Variants in FGFR4 observed in about 807,000 individuals in gnomAD.
The protein encoded by FGFR4 is hydroxyaryl-protein kinase.
FGFR4 carries 63 observed loss-of-function variants against 89.9 expected under a neutral mutation model. That is an observed-to-expected ratio of 0.70 (90% CI 0.57 to 0.86). The LOEUF is 0.86. Among genes scored for constraint, FGFR4 ranks in the 40% least tolerant of loss-of-function variants. The pLI, the probability that FGFR4 is intolerant of heterozygous loss-of-function variation, is 0.00. For synonymous variants in FGFR4, 486 were observed against 479.4 expected, an observed-to-expected ratio of 1.01 and a Z score of -0.18; for missense variants, 928 against 1,106.7, an observed-to-expected ratio of 0.84 and a Z score of 2.29.
rs759151316 is a variant in FGFR4 at position 177,095,691 on chromosome 5, G to A, written c.1789G>A (p.Ala597Thr). Residue 597 changes from alanine to threonine, a missense_variant, in exon 13 of 18, where the codon GCC (alanine) becomes ACC (threonine). Physicochemically the swap from Ala to Thr is moderately conservative, Grantham distance 58. Coordinates refer to ENST00000292408, the MANE Select transcript of FGFR4 (RefSeq NM_213647.3). The surrounding 1 kb of genome is among the most constrained non-coding windows in gnomAD (Gnocchi z 5.7). ...CCTGGTCTCCTGCGCCTACCAGGTG[G>A]CCCGAGGCATGCAGTATCTGGAGTC... ...PVLVSCAYQV[A>T]RGMQYLESRK... 1.2e-6 allele frequency: 2 copies of A among 1,608,944 alleles called. No homozygotes were observed. The highest frequency in any genetic ancestry group is 1.7e-6 in the Non-Finnish European group (2 of 1,178,922).
chr5:177,092,932 C>G, intron 8 of FGFR4, 148 bp downstream of exon 8: 3 of 1,385,392 alleles, frequency 2.2e-6, no homozygotes, highest in Non-Finnish European at 3.0e-6. Flanking sequence ...AGCTGTATGA[C>G]AGCCCCTCTG....
chr5:177,095,712 G>A lies in FGFR4; in HGVS notation c.1810G>A (p.Glu604Lys), dbSNP rs1367319891. ...GGTGGCCCGAGGCATGCAGTATCTG[G>A]AGTCCCGGAAGGTACAGGCGCTAGG... The part of the protein sequence containing the change: ...YQVARGMQYL[E>K]SRKCIHRDLA... The change falls in exon 13 of 18, where the codon GAG becomes AAG. Residue 604 changes from glutamate to lysine, a missense_variant. Coordinates refer to ENST00000292408, the MANE Select transcript of FGFR4 (RefSeq NM_213647.3). The surrounding 1 kb of genome is among the most constrained non-coding windows in gnomAD (Gnocchi z 5.7). 2 of 1,605,702 alleles carry A rather than the reference G, an allele frequency of 1.2e-6. No homozygotes were observed. Among genetic ancestry groups the A allele is most frequent in the Non-Finnish European group, 1.7e-6 (2 of 1,177,630 alleles).
chr5:177,097,135 C>A, intron 16 of FGFR4, 157 bp from the exon 17 acceptor site: 1 of 584,714 alleles, frequency 1.7e-6, no homozygotes. Flanking sequence ...TCCTCCTCCT[C>A]AGCCTAGTGG....
chr5:177,096,561 C>T, intron 15 of FGFR4, 43 bp from the exon 16 acceptor site: 1 of 1,608,442 alleles, frequency 6.2e-7, no homozygotes, highest in Non-Finnish European at 8.5e-7. Flanking sequence ...CCCCGGTCGT[C>T]GGGAGGGCGC....
rs368514843 is a variant in FGFR4, at chr5:177,092,452, A to G, written c.859A>G (p.Ile287Val). ...AQPHIQWLKH[I>V]VINGSSFGAD... Reference sequence around the variant, plus strand: ...GCCCCACATCCAGTGGCTGAAGCACATCGTCATCAACGGCAGCAGCTTCGG... The same window carrying G: ...GCCCCACATCCAGTGGCTGAAGCACGTCGTCATCAACGGCAGCAGCTTCGG... Residue 287 changes from isoleucine to valine, a missense_variant, in exon 7 of 18, where the codon ATC becomes GTC. Physicochemically the swap from Ile to Val is conservative, Grantham distance 29 (BLOSUM62 3). Around this residue, in one of 5 missense-constraint regions of FGFR4, gnomAD observed 741 missense variants for 836.9 expected, o/e 0.89. Transcript: ENST00000292408. 1.2e-6 allele frequency: 2 copies of G among 1,603,136 alleles called. No individual in the cohort carries two copies. The highest frequency in any genetic ancestry group is 1.3e-5 in the African/African-American group (1 of 74,676).
In FGFR4 at chr5:177,087,618, A is replaced by AT. The variant is rs1463064511; in HGVS notation, c.-54+542dup. 1 of 985,254 alleles carries AT rather than the reference A, an allele frequency of 1.0e-6. No homozygotes were observed. Among genetic ancestry groups the AT allele is most frequent in the Admixed American group, 6.2e-5 (1 of 16,260 alleles). 61.0% of individuals were successfully genotyped at this position (985,254 alleles called of 1,614,324 possible). On this transcript the variant is annotated intron_variant, in intron 1 of 17. Coordinates refer to ENST00000292408, the MANE Select transcript of FGFR4 (RefSeq NM_213647.3). This position sits in a 1 kb window ranked among gnomAD's most constrained non-coding sequence, Gnocchi z 6.1. ...ATGGGTGACTCGACTAAGGACTCTG[A>AT]TATCAGGGCAGCCTGGGGTAGGAAT... is the stretch of plus-strand genomic sequence containing the variant.
intron 2 of FGFR4, 21 bp downstream of exon 2, chr5:177,089,714 G>A: frequency 6.2e-7 from 1 of 1,611,524 alleles, no homozygotes; most frequent in Admixed American, 1.7e-5. Flanking sequence ...TGAGGTGGGA[G>A]AGGGTGGCAG....
intron 14 of FGFR4, 24 bp downstream of exon 14, chr5:177,096,203 G>A (rs1488806326): frequency 6.2e-7 from 1 of 1,613,498 alleles, no homozygotes; most frequent in African/African-American, 1.3e-5. Context: ...GGCAGAACTG[G>A]ATGGGGGTGG....
chr5:177,090,334 G>GAT, intron 2 of FGFR4, 56 bp from the exon 3 acceptor site: 1 of 1,598,754 alleles, frequency 6.3e-7, no homozygotes, highest in East Asian at 2.2e-5. Context: ...TTTGTACACA[G>GAT]GAGGCTGCCT....
At chr5:177,094,192 G>A (rs1395812421) in intron 11 of FGFR4, among the ~76,000 whole-genome samples, 1 of 152,142 alleles carries the variant, frequency 6.6e-6, no homozygotes, top group African/African-American at 2.4e-5. Flanking sequence ...GCTGGGAGAG[G>A]CTGTGGGATC....
At chr5:177,091,536 T>C (rs1215409068) in intron 5 of FGFR4, 149 bp from the exon 6 acceptor site, 3 of 1,137,870 alleles carry the variant, frequency 2.6e-6, no homozygotes, top group African/African-American at 1.6e-5. Flanking sequence ...TACTCCTTTG[T>C]GCCATAGTCC....
rs1413202872 is a variant in FGFR4 at position 177,096,281 on chromosome 5, C to G, written c.1945-6C>G. The G allele has an allele frequency of 1.9e-6, 3 of 1,614,122 alleles. No individual in the cohort carries two copies. The highest frequency in any genetic ancestry group is 2.5e-6 in the Non-Finnish European group (3 of 1,179,998). ...ACTCTGCACTGAGGCCCTCTCTCCCCTCCAGGGCCGCCTGCCTGTGAAGTG... is the reference window on the plus strand; with the variant it reads ...ACTCTGCACTGAGGCCCTCTCTCCCGTCCAGGGCCGCCTGCCTGTGAAGTG... On this transcript the variant is annotated splice_polypyrimidine_tract_variant and splice_region_variant and intron_variant, in intron 14 of 17. Coordinates refer to ENST00000292408, the MANE Select transcript of FGFR4 (RefSeq NM_213647.3).
Position 177,095,252 on chromosome 5 carries a change from C to A in FGFR4, c.1520-78C>A. The A allele has an allele frequency of 8.2e-7, 1 of 1,219,322 alleles. No individual in the cohort carries two copies. Among genetic ancestry groups the A allele is most frequent in the Non-Finnish European group, 1.2e-6 (1 of 823,772 alleles). The allele number at this position is 1,219,322 out of a possible 1,614,324, so 75.5% of individuals were successfully genotyped here. A position where few individuals can be genotyped will look rare whatever the true frequency, so the allele number is the denominator to read the frequency against. The stretch of plus-strand genomic sequence containing the variant: ...CCTACGTAGCCCTGGTCCAGTGCTG[C>A]TTGTCCTGCACCTGCCTCTGCATGC... On this transcript the variant is annotated intron_variant, in intron 11 of 17. Transcript: ENST00000292408. This position sits in a 1 kb window ranked among gnomAD's most constrained non-coding sequence, Gnocchi z 5.7.
Position 177,096,723 on chromosome 5 carries a change from C to T in FGFR4, c.2135C>T (p.Pro712Leu), listed in dbSNP as rs1366235525. Residue 712 changes from proline (P) to leucine (L), a missense_variant, in exon 16 of 18, where the codon CCA becomes CTA. Coordinates refer to ENST00000292408, the MANE Select transcript of FGFR4 (RefSeq NM_213647.3). ...GAGGGACATCGGATGGACCGACCCC[C>T]ACACTGCCCCCCAGAGCTGTGAGGC... Reference protein sequence around the residue: ...LREGHRMDRPPHCPPELYGLM... With the variant: ...LREGHRMDRPLHCPPELYGLM... 1 of 1,586,596 alleles carries T rather than the reference C, an allele frequency of 6.3e-7. No individual in the cohort carries two copies. Among genetic ancestry groups the T allele is most frequent in the East Asian group, 2.2e-5 (1 of 44,690 alleles).
At chr5:177,090,904 A>T (rs759737475) in intron 4 of FGFR4, 34 bp from the exon 5 acceptor site, 1 of 1,614,136 alleles carries the variant, frequency 6.2e-7, no homozygotes, top group South Asian at 1.1e-5. Context: ...GTGGGAACAC[A>T]CGGTCATTCT....
In FGFR4 at chr5:177,089,642, G is replaced by A. The variant is rs768529489; in HGVS notation, c.40G>A (p.Val14Met). ...LLALLGVLLS[V>M]PGPPVLSLEA... ...GGCCCTGTTGGGGGTCCTGCTGAGTGTGCCTGGGCCTCCAGTCTTGTCCCT... is the reference window on the plus strand; with the variant it reads ...GGCCCTGTTGGGGGTCCTGCTGAGTATGCCTGGGCCTCCAGTCTTGTCCCT... Residue 14 changes from valine (V) to methionine (M), a missense_variant, in exon 2 of 18, where the codon GTG becomes ATG. By Grantham distance (21) the Val-to-Met change is conservative. Transcript: ENST00000292408. The A allele has an allele frequency of 6.2e-7, 1 of 1,614,058 alleles. No homozygotes were observed. The highest frequency in any genetic ancestry group is 8.5e-7 in the Non-Finnish European group (1 of 1,179,994).
chr5:177,097,445 G>A (rs1033274891), intron 17 of FGFR4, 48 bp downstream of exon 17: 1 of 1,603,246 alleles, frequency 6.2e-7, no homozygotes. Flanking sequence ...TCCCCTCCAG[G>A]CCTCATCTGG....
rs2149736366 is a variant in FGFR4 at position 177,093,785 on chromosome 5, G to A, written c.1519+10G>A. On this transcript the variant is annotated intron_variant, in intron 11 of 17. Transcript: ENST00000292408. This position sits in a 1 kb window ranked among gnomAD's most constrained non-coding sequence, Gnocchi z 5.8. The stretch of plus-strand genomic sequence containing the variant: ...GTCAAGATGCTCAAAGGTGAGTGTG[G>A]CCCGGTGTGGTGGCTCACACCTGTA... 1.9e-6 allele frequency: 3 copies of A among 1,608,240 alleles called. No individual in the cohort carries two copies. Among genetic ancestry groups the A allele is most frequent in the Non-Finnish European group, 2.5e-6 (3 of 1,176,650 alleles).
In FGFR4 at chr5:177,092,381, T is replaced by C; in HGVS notation, c.788T>C (p.Val263Ala). ...CTCCCGGCCAACACCACAGCCGTGG[T>C]GGGCAGCGACGTGGAGCTGCTGTGC... is the stretch of plus-strand genomic sequence containing the variant. The part of the protein sequence containing the change: ...AGLPANTTAV[V>A]GSDVELLCKV... The change falls in exon 7 of 18, where the codon GTG (valine) becomes GCG (alanine). Residue 263 changes from valine to alanine, a missense_variant. Val to Ala is a moderately conservative substitution (Grantham distance 64, BLOSUM62 0). Transcript: ENST00000292408. 6.2e-7 allele frequency: 1 copy of C among 1,607,388 alleles called. No homozygotes were observed. Among genetic ancestry groups the C allele is most frequent in the Non-Finnish European group, 8.5e-7 (1 of 1,175,138 alleles).
Sources: allele counts gnomAD v4.1 joint callset (sites outside exome capture counted in the v4.1 genomes callset), GRCh38; gene constraint gnomAD v4.1.1; regional missense constraint gnomAD v4.1.1; non-coding constraint Gnocchi (gnomAD v3.1); transcripts MANE v1.5; gene names NCBI Gene and HGNC (gene_info 2026-07-23, HGNC 2026-07-21).